The following UGT1A3 variants were observed in gnomAD, a reference collection of about 807,000 sequenced individuals.
UGT1A3 encodes the protein UDP glucuronosyltransferase family 1 member A3.
UGT1A3 carries 31 observed loss-of-function variants against 41.0 expected under a neutral mutation model. The observed-to-expected ratio is 0.76, with a 90% CI of 0.57 to 1.02. The LOEUF (loss-of-function observed/expected upper bound fraction) is 1.02. UGT1A3 is among the 50% of genes least tolerant of loss of function. The probability of loss-of-function intolerance (pLI) is 0.00; values close to 1 mark genes in which losing one functional copy is unlikely to be tolerated. For missense variants in UGT1A3, 737 were observed against 671.0 expected, an observed-to-expected ratio of 1.10 and a Z score of -1.09; for synonymous variants, 262 against 257.6, an observed-to-expected ratio of 1.02 and a Z score of -0.17.
At chr2:233,746,047 C>G (rs1179932554) in intron 1 of UGT1A3, among the ~76,000 whole-genome samples, 1 of 151,694 alleles carries the variant, frequency 6.6e-6, no homozygotes, top group South Asian at 2.1e-4. Flanking sequence ...GGCTTGGATG[C>G]AGGGTCTAGA....
At chr2:233,746,880 G>A (rs561454270) in intron 1 of UGT1A3, among the ~76,000 whole-genome samples, 1 of 151,926 alleles carries the variant, frequency 6.6e-6, no homozygotes, top group South Asian at 2.1e-4. Flanking sequence ...GTGGTTAACA[G>A]AGAAGTAGGA....
intron 1 of UGT1A3, among the ~76,000 whole-genome samples, chr2:233,750,418 A>G (rs1270471550): frequency 3.3e-5 from 5 of 151,986 alleles, no homozygotes; most frequent in East Asian, 1.9e-4. Context: ...GTGGTAGAAA[A>G]GAAAAACCCA....
At position 233,731,482 on chromosome 2, in the gene UGT1A3, G is replaced by T. The variant is rs562723642; in HGVS notation, c.867+1489G>T. Among the ~76,000 whole-genome samples the T allele has an allele frequency of 2.6e-5, 4 of 152,206 alleles. No individual in the cohort carries two copies. In the East Asian group the frequency reaches 7.7e-4, roughly 29 times the overall value. On this transcript the variant is annotated intron_variant, in intron 1 of 4. Transcript: ENST00000482026. ...CCTGGCGTGTGATGTTCCCTGGCCTGTGTCCAGTGTTCTTGCTGTTCAGTT... is the reference window on the plus strand; with the variant it reads ...CCTGGCGTGTGATGTTCCCTGGCCTTTGTCCAGTGTTCTTGCTGTTCAGTT...
chr2:233,748,554 C>G (rs1045487950), intron 1 of UGT1A3, among the ~76,000 whole-genome samples: 1 of 151,692 alleles, frequency 6.6e-6, no homozygotes, highest in African/African-American at 2.4e-5. Context: ...CCTAAGCACT[C>G]GCAGGAAGTA....
intron 1 of UGT1A3, chr2:233,740,907 T>C (rs1395236903): frequency 3.6e-5 from 5 of 140,068 alleles, no homozygotes; most frequent in South Asian, 4.8e-4. Context: ...AGGTCAACAT[T>C]GTTCCCATCT....
chr2:233,743,660 G>A (rs1409299533), intron 1 of UGT1A3: 4 of 1,367,142 alleles, frequency 2.9e-6, no homozygotes, highest in East Asian at 4.5e-5. Context: ...GTACTCGAAG[G>A]GGTCCTCGAA....
chr2:233,738,152 A>C (rs1172003617), intron 1 of UGT1A3, among the ~76,000 whole-genome samples: 1 of 152,050 alleles, frequency 6.6e-6, no homozygotes, highest in Non-Finnish European at 1.5e-5. Flanking sequence ...CTTGCAAGCT[A>C]TTCCTCTTTC....
chr2:233,736,493 C>T (rs1043320010), intron 1 of UGT1A3, among the ~76,000 whole-genome samples: 3 of 152,222 alleles, frequency 2.0e-5, no homozygotes, highest in Non-Finnish European at 2.9e-5. Flanking sequence ...TACTACCAAA[C>T]TTCTGAAGCC....
intron 1 of UGT1A3, chr2:233,755,057 C>G: frequency 7.5e-7 from 1 of 1,333,978 alleles, no homozygotes; most frequent in Non-Finnish European, 1.0e-6. Context: ...CCTCCGCCCT[C>G]GCCTCGCCAT....
Position 233,757,535 on chromosome 2 carries a change from A to AATATATATATATAT in UGT1A3, c.868-9486_868-9473dup, listed in dbSNP as rs67292694. Among the ~76,000 whole-genome samples the AATATATATATATAT allele has an allele frequency of 5.3e-3, 468 of 88,236 alleles. 9 individuals carry two copies. Among genetic ancestry groups the AATATATATATATAT allele is most frequent in the South Asian group, 0.014 (26 of 1,916 alleles). The allele number at this position is 88,236 out of a possible 152,430, so 57.9% of individuals were successfully genotyped here. Reference sequence around the variant, plus strand: ...CAAAGCCAAAATCTTGCCTGTAAGGAATATATATATATATATATATATATA... The same window carrying AATATATATATATAT: ...CAAAGCCAAAATCTTGCCTGTAAGGAATATATATATATATATATATATATATATATATATATATA... On this transcript the variant is annotated intron_variant, in intron 1 of 4. Transcript: ENST00000482026.
chr2:233,737,522 C>T (rs1286705932), intron 1 of UGT1A3, among the ~76,000 whole-genome samples: 9 of 152,174 alleles, frequency 5.9e-5, no homozygotes, highest in African/African-American at 9.7e-5. Context: ...CTAGGTGAGG[C>T]GACGCCCTGC....
chr2:233,764,219 C>T (rs759767670), intron 1 of UGT1A3, among the ~76,000 whole-genome samples: 2 of 152,130 alleles, frequency 1.3e-5, no homozygotes, highest in Non-Finnish European at 2.9e-5. Context: ...TGAAGGGAAT[C>T]AATGGTGGGG....
Position 233,769,884 on chromosome 2 carries a change from C to T in UGT1A3, c.1307+1445C>T, listed in dbSNP as rs1466829536. On this transcript the variant is annotated intron_variant, in intron 4 of 4. Transcript: ENST00000482026. The surrounding 1 kb of genome is among the most constrained non-coding windows in gnomAD (Gnocchi z 4.4). The stretch of plus-strand genomic sequence containing the variant: ...AAAAAAAAAAAAAAAATGAAAAGTC[C>T]ACATAACCTGAGCATCATGTGCCCA... 5.0e-6 allele frequency: 2 copies of T among 403,872 alleles called. No individual in the cohort carries two copies. Among genetic ancestry groups the T allele is most frequent in the Non-Finnish European group, 8.7e-6 (2 of 230,852 alleles). 25.0% of individuals were successfully genotyped at this position (403,872 alleles called of 1,614,324 possible).
intron 1 of UGT1A3, among the ~76,000 whole-genome samples, chr2:233,762,725 T>C (rs1290938105): frequency 6.6e-6 from 1 of 152,154 alleles, no homozygotes; most frequent in African/African-American, 2.4e-5. Context: ...CGGTTTTTTT[T>C]TTTTGGTCAC....
At chr2:233,731,204 C>T (rs755932690) in intron 1 of UGT1A3, among the ~76,000 whole-genome samples, 4 of 151,184 alleles carry the variant, frequency 2.6e-5, no homozygotes, top group Admixed American at 6.6e-5. Context: ...TTATAAAATA[C>T]GTGTTTATTT....
intron 1 of UGT1A3, chr2:233,743,449 G>C (rs771301493): frequency 7.3e-7 from 1 of 1,365,064 alleles, no homozygotes; most frequent in South Asian, 1.1e-5. Flanking sequence ...TGTATCAAAA[G>C]AAGAAAAAAC....
chr2:233,759,046 C>T (rs1422861422), intron 1 of UGT1A3, among the ~76,000 whole-genome samples: 1 of 152,150 alleles, frequency 6.6e-6, no homozygotes, highest in Non-Finnish European at 1.5e-5. Flanking sequence ...CTGTTGTGAA[C>T]AAAAGTTCTC....
intron 1 of UGT1A3, among the ~76,000 whole-genome samples, chr2:233,744,313 G>A (rs1203522735): frequency 6.6e-6 from 1 of 151,838 alleles, no homozygotes; most frequent in Non-Finnish European, 1.5e-5. Context: ...GAGGGAAGAG[G>A]GTGGTGGGAG....
rs1208315583 is a variant in UGT1A3, at chr2:233,737,341, G to A, written c.867+7348G>A. 7.9e-5 allele frequency among the ~76,000 whole-genome samples: 12 copies of A among 152,224 alleles called. No homozygotes were observed. In the East Asian group the frequency reaches 2.1e-3, roughly 27 times the overall value. On this transcript the variant is annotated intron_variant, in intron 1 of 4. Coordinates refer to ENST00000482026, the MANE Select transcript of UGT1A3 (RefSeq NM_019093.4). ...CTGCACTAGCAGTGAGCAAGGCTCCGTGGGCATGGGAGCTGCTAAGCCAGG... is the reference window on the plus strand; with the variant it reads ...CTGCACTAGCAGTGAGCAAGGCTCCATGGGCATGGGAGCTGCTAAGCCAGG...
Sources: gnomAD v4.1 joint callset for allele counts (sites outside exome capture counted in the v4.1 genomes callset) on GRCh38, gnomAD v4.1.1 for gene constraint, Gnocchi (gnomAD v3.1) non-coding constraint, MANE v1.5 for transcripts, NCBI Gene and HGNC (gene_info 2026-07-23, HGNC 2026-07-21) for gene names.